The following FLI1 variants were observed in gnomAD, a reference collection of about 807,000 sequenced individuals.
FLI1 encodes the protein Friend leukemia integration 1 transcription factor.
Under a neutral mutation model 53.1 loss-of-function variants are expected in FLI1, and 13 were observed. The ratio of observed to expected loss-of-function variants is 0.24; its 90% CI spans 0.16 to 0.39. FLI1 has a LOEUF of 0.39. Ranked by LOEUF, FLI1 falls within the 10% of genes least tolerant of loss-of-function variation. The probability of loss-of-function intolerance (pLI) is 1.00; values close to 1 mark genes in which losing one functional copy is unlikely to be tolerated. For synonymous variants in FLI1, 244 were observed against 236.7 expected (o/e 1.03, Z -0.28); for missense variants, 424 against 600.5 (o/e 0.71, Z 3.07).
chr11:128,753,670 A>T lies in FLI1; in HGVS notation c.19-4445A>T, dbSNP rs55736088. ...AAGTAAAGAGCTTTATAAGACACAC[A>T]TGAAGTAGCAACAGCTCCTCATGTG... On this transcript the variant is annotated intron_variant, in intron 1 of 8. Transcript: ENST00000527786. Among the ~76,000 whole-genome samples the T allele has an allele frequency of 5.3e-3, 807 of 152,386 alleles. 4 individuals are homozygous for T. Among genetic ancestry groups the T allele is most frequent in the African/African-American group, 0.018 (766 of 41,594 alleles).
At chr11:128,687,933 T>C (rs968838431) in intron 1 of FLI1, among the ~76,000 whole-genome samples, 1 of 152,182 alleles carries the variant, frequency 6.6e-6, no homozygotes, top group Non-Finnish European at 1.5e-5. Context: ...AATGGATGGA[T>C]AGCAAAATGA....
intron 4 of FLI1, among the ~76,000 whole-genome samples, chr11:128,776,451 G>A (rs1347854468): frequency 3.3e-5 from 5 of 152,244 alleles, no homozygotes; most frequent in Non-Finnish European, 2.9e-5. Flanking sequence ...AGAAGTTGGA[G>A]ACCAGCCTGG....
At chr11:128,749,518 C>T (rs1250294636) in intron 1 of FLI1, among the ~76,000 whole-genome samples, 1 of 152,184 alleles carries the variant, frequency 6.6e-6, no homozygotes, top group African/African-American at 2.4e-5. Flanking sequence ...GAACAAGAAG[C>T]AGGTGGAAGT....
rs865810002 is a variant in FLI1 at position 128,725,666 on chromosome 11, G to C, written c.18+31390G>C. On this transcript the variant is annotated intron_variant, in intron 1 of 8. Transcript: ENST00000527786. The stretch of plus-strand genomic sequence containing the variant: ...TCTCTCCCTCTCTCTCTCTCTCTGT[G>C]TGTGTGTGTTTGTGTGTGTGTGTGT... 4.6e-3 allele frequency among the ~76,000 whole-genome samples: 700 copies of C among 150,736 alleles called. 8 individuals carry two copies. Among genetic ancestry groups the C allele is most frequent in the African/African-American group, 0.016 (669 of 40,724 alleles).
intron 5 of FLI1, among the ~76,000 whole-genome samples, chr11:128,791,055 C>A (rs1421010985): frequency 6.6e-6 from 1 of 152,016 alleles, no homozygotes; most frequent in African/African-American, 2.4e-5. Context: ...ACCACCATAA[C>A]CTGAGGGACT....
chr11:128,695,109 A>G (rs1254591343), intron 1 of FLI1, among the ~76,000 whole-genome samples: 3 of 151,874 alleles, frequency 2.0e-5, no homozygotes, highest in Non-Finnish European at 4.4e-5. Flanking sequence ...CCTCCGTTGC[A>G]GGGGCCGGCT....
intron 4 of FLI1, among the ~76,000 whole-genome samples, chr11:128,776,324 T>G (rs1177512940): frequency 1.3e-5 from 2 of 151,980 alleles, no homozygotes; most frequent in Non-Finnish European, 2.9e-5. Context: ...AGGACTGTGA[T>G]GGCTGGGGTG....
intron 5 of FLI1, among the ~76,000 whole-genome samples, chr11:128,783,955 A>G (rs897275782): frequency 2.6e-5 from 4 of 151,584 alleles, no homozygotes; most frequent in African/African-American, 7.3e-5. Flanking sequence ...AAGGGAAGGA[A>G]GATAGGGAGG....
At chr11:128,755,395 T>A (rs1342125488) in intron 1 of FLI1, among the ~76,000 whole-genome samples, 3 of 152,226 alleles carry the variant, frequency 2.0e-5, no homozygotes, top group Non-Finnish European at 2.9e-5. Flanking sequence ...GTCATCTGTT[T>A]TTGTAGCAGG....
intron 1 of FLI1, among the ~76,000 whole-genome samples, chr11:128,697,371 C>G (rs554876148): frequency 1.3e-5 from 2 of 152,152 alleles, no homozygotes; most frequent in Non-Finnish European, 2.9e-5. Context: ...TCAGAAAGCC[C>G]GGGTTCATTC....
At position 128,811,498 on chromosome 11, in the gene FLI1, G is replaced by A. The variant is rs1361838788; in HGVS notation, c.*510G>A. On this transcript the variant is annotated 3_prime_UTR_variant, in exon 9 of 9. Transcript: ENST00000527786. The stretch of plus-strand genomic sequence containing the variant: ...AACTGGAACATTGATTGTAAGGCCA[G>A]TGAAGTTTTCACCCAACTGGAATTT... 1 of 232,418 alleles carries A rather than the reference G, an allele frequency of 4.3e-6. No homozygotes were observed. The highest frequency in any genetic ancestry group is 8.4e-6 in the Non-Finnish European group (1 of 118,578). 14.4% of individuals were successfully genotyped at this position (232,418 alleles called of 1,614,324 possible). A position where few individuals can be genotyped will look rare whatever the true frequency, so the allele number is the denominator to read the frequency against.
intron 1 of FLI1, among the ~76,000 whole-genome samples, chr11:128,694,899 A>C (rs7930515): frequency 0.71 from 108,080 of 152,032 alleles, 38,492 homozygotes; most frequent in Middle Eastern, 0.83. Flanking sequence ...GCCCGGCTCT[A>C]GGCGCTGGAG....
chr11:128,731,776 G>A (rs1410688557), intron 1 of FLI1, among the ~76,000 whole-genome samples: 2 of 152,030 alleles, frequency 1.3e-5, no homozygotes, highest in Non-Finnish European at 2.9e-5. Context: ...GCGGAGGCGG[G>A]CAAATCACTT....
chr11:128,788,014 G>A (rs977283878), intron 5 of FLI1, among the ~76,000 whole-genome samples: 2 of 151,230 alleles, frequency 1.3e-5, no homozygotes, highest in South Asian at 2.1e-4. Context: ...GTTTCACCAC[G>A]TTAGCCAGGA....
chr11:128,759,670 G>C (rs553042965), intron 2 of FLI1, among the ~76,000 whole-genome samples: 3 of 152,234 alleles, frequency 2.0e-5, no homozygotes, highest in African/African-American at 7.2e-5. Flanking sequence ...GCTGTGAGCA[G>C]CCGCAGAAAG....
chr11:128,780,093 C>T (rs997566408), intron 4 of FLI1, among the ~76,000 whole-genome samples: 1 of 152,148 alleles, frequency 6.6e-6, no homozygotes, highest in African/African-American at 2.4e-5. Flanking sequence ...GGAACTTGTC[C>T]CAGCCTTACT....
intron 1 of FLI1, among the ~76,000 whole-genome samples, chr11:128,703,402 T>C (rs542281809): frequency 4.7e-4 from 71 of 152,280 alleles, no homozygotes; most frequent in Non-Finnish European, 8.1e-4. Context: ...AATCTAAATG[T>C]CCACCAGTAG....
chr11:128,737,755 T>C (rs1939966712), intron 1 of FLI1, among the ~76,000 whole-genome samples: 1 of 152,226 alleles, frequency 6.6e-6, no homozygotes, highest in Non-Finnish European at 1.5e-5. Flanking sequence ...AATGTTCTTT[T>C]GGGCTCAGTT....
intron 1 of FLI1, among the ~76,000 whole-genome samples, chr11:128,732,439 C>T (rs575025594): frequency 1.3e-5 from 2 of 152,296 alleles, no homozygotes; most frequent in South Asian, 2.1e-4. Flanking sequence ...CATACTCTGC[C>T]AGGCATTGTG....
Sources: gnomAD v4.1 joint callset for allele counts (sites outside exome capture counted in the v4.1 genomes callset) on GRCh38, gnomAD v4.1.1 for gene constraint, MANE v1.5 for transcripts, NCBI Gene and HGNC (gene_info 2026-07-23, HGNC 2026-07-21) for gene names.